Variants in NLGN4X observed in about 807,000 individuals in gnomAD.
The protein encoded by NLGN4X is neuroligin 4 X-linked.
A neutral mutation model predicts 40.3 loss-of-function variants in NLGN4X; 3 were observed. The observed-to-expected ratio is 0.07, with a 90% CI of 0.03 to 0.19. NLGN4X has a LOEUF of 0.19. NLGN4X is among the 10% of genes least tolerant of loss of function. The probability of loss-of-function intolerance (pLI) is 1.00; values close to 1 mark genes in which losing one functional copy is unlikely to be tolerated. For missense variants in NLGN4X, 382 were observed against 708.3 expected, an observed-to-expected ratio of 0.54 and a Z score of 5.23; for synonymous variants, 270 against 306.8, an observed-to-expected ratio of 0.88 and a Z score of 1.25.
intron 3 of NLGN4X, among the ~76,000 whole-genome samples, chrX:6,002,939 A>C (rs949689859): frequency 9.0e-6 from 1 of 111,605 alleles, no homozygotes; most frequent in Admixed American, 9.5e-5. Flanking sequence ...CTCCTGGGGA[A>C]GATTATCTTC....
chrX:6,136,520 T>G (rs1002943939), intron 2 of NLGN4X, among the ~76,000 whole-genome samples: 1 of 111,951 alleles, frequency 8.9e-6, no homozygotes, highest in Non-Finnish European at 1.9e-5. Context: ...AAAGCCTCTG[T>G]TCCTTGCTGG....
intron 2 of NLGN4X, among the ~76,000 whole-genome samples, chrX:6,047,012 T>A (rs957724066): frequency 9.2e-6 from 1 of 108,917 alleles, no homozygotes; most frequent in African/African-American, 3.3e-5. Flanking sequence ...TTTCAATAAA[T>A]AATAGAATCA....
chrX:6,096,946 CGTGTGTGTGTGTGT>C (rs35895741), intron 2 of NLGN4X, among the ~76,000 whole-genome samples: 18 of 100,586 alleles, frequency 1.8e-4, no homozygotes, highest in African/African-American at 5.8e-4. Context: ...ATTTTCATAT[CGTGTGTGTGTGTGT>C]GTGTGTGTGT....
intron 1 of NLGN4X, among the ~76,000 whole-genome samples, chrX:6,211,635 T>C (rs1924615603): frequency 9.0e-6 from 1 of 111,649 alleles, no homozygotes; most frequent in Non-Finnish European, 1.9e-5. Context: ...ATAGATACTG[T>C]TATTGATATG....
chrX:5,944,879 A>T (rs889091408), intron 3 of NLGN4X, among the ~76,000 whole-genome samples: 5 of 111,417 alleles, frequency 4.5e-5, no homozygotes, highest in African/African-American at 1.6e-4. Context: ...AATGGCTAAG[A>T]AATCCTGACA....
chrX:5,980,529 A>G (rs756967164), intron 3 of NLGN4X, among the ~76,000 whole-genome samples: 1 of 91,139 alleles, frequency 1.1e-5, no homozygotes, highest in East Asian at 3.4e-4. Flanking sequence ...ACATCTAGGT[A>G]TTTGACTCAC....
At chrX:6,200,564 T>C (rs981566626) in intron 1 of NLGN4X, among the ~76,000 whole-genome samples, 1 of 111,174 alleles carries the variant, frequency 9.0e-6, no homozygotes, top group Non-Finnish European at 1.9e-5. Context: ...TTGTAAAACA[T>C]TTTAGACTAC....
intron 1 of NLGN4X, among the ~76,000 whole-genome samples, chrX:6,172,879 C>T (rs2040638410): frequency 8.9e-6 from 1 of 112,122 alleles, no homozygotes; most frequent in African/African-American, 3.2e-5. Context: ...GAAAGGGATC[C>T]TCCAGGATGG....
At chrX:5,995,717 C>T (rs748325300) in intron 3 of NLGN4X, among the ~76,000 whole-genome samples, 1 of 111,867 alleles carries the variant, frequency 8.9e-6, no homozygotes, top group Non-Finnish European at 1.9e-5. Flanking sequence ...GAGGGGCCAT[C>T]GAGATGGTGA....
intron 3 of NLGN4X, among the ~76,000 whole-genome samples, chrX:5,967,138 T>C (rs1321627190): frequency 9.0e-6 from 1 of 111,253 alleles, no homozygotes; most frequent in Admixed American, 9.6e-5. Context: ...CATTTTATCA[T>C]GGGGGGAAGA....
chrX:5,908,333 A>T (rs1223822417), intron 4 of NLGN4X, among the ~76,000 whole-genome samples: 1 of 110,982 alleles, frequency 9.0e-6, no homozygotes, highest in African/African-American at 3.3e-5. Context: ...TTTCCAGAAG[A>T]TTTAAAGAAT....
At chrX:6,012,797 AG>A (rs1336425371) in intron 3 of NLGN4X, among the ~76,000 whole-genome samples, 2 of 111,383 alleles carry the variant, frequency 1.8e-5, no homozygotes, top group Non-Finnish European at 3.8e-5. Context: ...TGAAAAGGCA[AG>A]GAAGGATCTT....
chrX:6,010,513 TTTATTA>T (rs58321620), intron 3 of NLGN4X, among the ~76,000 whole-genome samples: 11 of 95,389 alleles, frequency 1.2e-4, no homozygotes, highest in East Asian at 3.4e-4. Flanking sequence ...TTCTTTTTAT[TTTATTA>T]TTATTATTAT....
intron 2 of NLGN4X, among the ~76,000 whole-genome samples, chrX:6,051,592 G>A (rs1046949130): frequency 9.1e-5 from 10 of 110,198 alleles, no homozygotes; most frequent in Non-Finnish European, 1.9e-4. Flanking sequence ...GAGAGACAAG[G>A]AACAAATTCT....
intron 5 of NLGN4X, among the ~76,000 whole-genome samples, chrX:5,900,542 G>GACAC (rs1473482051): frequency 1.1e-5 from 1 of 91,355 alleles, no homozygotes; most frequent in African/African-American, 4.1e-5. Flanking sequence ...GTTGTTATAA[G>GACAC]ACACACCGTT....
intron 1 of NLGN4X, among the ~76,000 whole-genome samples, chrX:6,216,394 A>C (rs1342412071): frequency 8.9e-6 from 1 of 112,005 alleles, no homozygotes; most frequent in Non-Finnish European, 1.9e-5. Context: ...CTGCTGGATA[A>C]ATTCCCTTCC....
At chrX:5,899,689 C>T (rs2031730530) in intron 5 of NLGN4X, among the ~76,000 whole-genome samples, 4 of 87,181 alleles carry the variant, frequency 4.6e-5, no homozygotes, top group African/African-American at 7.1e-5. Context: ...TGTCTTTTTT[C>T]CTTTTTTTTT....
At chrX:6,179,173 T>C (rs943867901) in intron 1 of NLGN4X, among the ~76,000 whole-genome samples, 9 of 100,342 alleles carry the variant, frequency 9.0e-5, no homozygotes, top group Non-Finnish European at 1.8e-4. Flanking sequence ...AGTATGTGTG[T>C]ATGCATACAT....
rs768365425 is a variant in NLGN4X, at chrX:5,951,784, C to T, written c.626-42545G>A. Among the ~76,000 whole-genome samples, 100 of 111,286 alleles carry T rather than the reference C, an allele frequency of 9.0e-4. 1 individual carries two copies. The highest frequency in any genetic ancestry group is 1.7e-3 in the Non-Finnish European group (89 of 53,084). On this transcript the variant is annotated intron_variant, in intron 3 of 5. Coordinates refer to ENST00000381095, the MANE Select transcript of NLGN4X (RefSeq NM_181332.3). The stretch of plus-strand genomic sequence containing the variant: ...TGAGGCTCCACTCTCCAAATACCTT[C>T]CAAAGCCCCACTTCCAAATACCTAC...
Sources: allele counts gnomAD v4.1 joint callset (sites outside exome capture counted in the v4.1 genomes callset), GRCh38; gene constraint gnomAD v4.1.1; transcripts MANE v1.5; gene names NCBI Gene and HGNC (gene_info 2026-07-23, HGNC 2026-07-21).